FCGR2B: variants seen among roughly 807,000 people sequenced by gnomAD.
FCGR2B encodes low affinity immunoglobulin gamma Fc region receptor II-b.
FCGR2B carries 18 observed loss-of-function variants against 24.8 expected under a neutral mutation model. The observed-to-expected ratio is 0.73, with a 90% CI of 0.50 to 1.08. FCGR2B has a LOEUF of 1.08. Among genes scored for constraint, FCGR2B ranks in the 50% least tolerant of loss-of-function variants. The probability of loss-of-function intolerance (pLI) is 0.00; values close to 1 mark genes in which losing one functional copy is unlikely to be tolerated. For missense variants in FCGR2B, 215 were observed against 297.6 expected (o/e 0.72, Z 2.04); for synonymous variants, 79 against 109.8 (o/e 0.72, Z 1.75).
At chr1:161,661,194 GAAAGA>G (rs1681007553), upstream of FCGR2B, among the ~76,000 whole-genome samples, 1 of 9,026 alleles carries the variant, frequency 1.1e-4, no homozygotes, top group Admixed American at 8.7e-4. Flanking sequence ...AGAAAGGAAA[GAAAGA>G]AAGAAAGAAA....
At chr1:161,673,290 C>G in intron 4 of FCGR2B, 61 bp downstream of exon 4, 1 of 1,598,522 alleles carries the variant, frequency 6.3e-7, no homozygotes, top group Non-Finnish European at 8.5e-7. Flanking sequence ...GGGCTGAGGT[C>G]ACATGGGCCT....
At position 161,677,507 on chromosome 1, in the gene FCGR2B, T is replaced by G; in HGVS notation, c.887T>G (p.Met296Arg). ...AACACAATCACCTATTCACTTCTCA[T>G]GCACCCGGATGCTCTGGAAGAGCCT... ...AENTITYSLL[M>R]HPDALEEPDD... The change falls in exon 8 of 8, where the codon ATG (methionine) becomes AGG (arginine). Residue 296 changes from methionine (M) to arginine (R), a missense_variant. Met to Arg is a moderately conservative substitution (Grantham distance 91, BLOSUM62 -1). Coordinates refer to ENST00000358671, the MANE Select transcript of FCGR2B (RefSeq NM_001394477.1). The G allele has an allele frequency of 6.2e-7, 1 of 1,614,126 alleles. No homozygotes were observed. The highest frequency in any genetic ancestry group is 8.5e-7 in the Non-Finnish European group (1 of 1,179,966).
chr1:161,648,464 T>C, the FCGR2B span, among the ~76,000 whole-genome samples: 1 of 149,508 alleles, frequency 6.7e-6, no homozygotes, highest in East Asian at 1.9e-4. Context: ...GTTTCCCTGA[T>C]AAGTAGTGAC....
the FCGR2B span, among the ~76,000 whole-genome samples, chr1:161,654,188 T>A: frequency 1.5e-5 from 2 of 135,500 alleles, no homozygotes; most frequent in African/African-American, 5.0e-5. Context: ...AAGAAGAACG[T>A]GTGGGGCTGT....
At chr1:161,647,431 G>C in the FCGR2B span, among the ~76,000 whole-genome samples, 1 of 150,052 alleles carries the variant, frequency 6.7e-6, no homozygotes, top group Non-Finnish European at 1.5e-5. Flanking sequence ...CTCCTGAGTA[G>C]CTGGGACTAC....
At chr1:161,661,020 A>G (rs1380503463), upstream of FCGR2B, among the ~76,000 whole-genome samples, 4 of 74,788 alleles carry the variant, frequency 5.3e-5, no homozygotes, top group Non-Finnish European at 7.8e-5. Context: ...GTTGTAGTGA[A>G]CCGAGGTCAC....
At chr1:161,675,653 G>A (rs1011310744) in intron 6 of FCGR2B, 2 of 264,450 alleles carry the variant, frequency 7.6e-6, no homozygotes, top group Non-Finnish European at 1.4e-5. Context: ...CAAAGGATGG[G>A]GTTAGGGGCT....
chr1:161,652,196 C>G, the FCGR2B span, among the ~76,000 whole-genome samples: 2 of 132,372 alleles, frequency 1.5e-5, no homozygotes, highest in Non-Finnish European at 3.4e-5. Flanking sequence ...TTTCTTCTCT[C>G]CCATTCTTTC....
At chr1:161,675,613 G>A (rs1368930651) in intron 6 of FCGR2B, 1 of 325,724 alleles carries the variant, frequency 3.1e-6, no homozygotes, top group East Asian at 4.9e-5. Flanking sequence ...GAGATACTTT[G>A]GTCTTCCTGT....
At position 161,677,365 on chromosome 1, in the gene FCGR2B, G is replaced by A. The variant is rs1454663730; in HGVS notation, c.855G>A (p.Gly285=). The A allele has an allele frequency of 6.2e-7, 1 of 1,613,252 alleles. No individual in the cohort carries two copies. The highest frequency in any genetic ancestry group is 8.5e-7 in the Non-Finnish European group (1 of 1,179,762). Residue 285 remains glycine, a splice_region_variant and synonymous_variant, in exon 7 of 8, where the codon GGG becomes GGA. Transcript: ENST00000358671. Reference sequence around the variant, plus strand: ...ATCCTGATGAGGCTGACAAAGTTGGGGTGAGTGATCCCAGCCATCTCCCCC... The same window carrying A: ...ATCCTGATGAGGCTGACAAAGTTGGAGTGAGTGATCCCAGCCATCTCCCCC... ...PTNPDEADKV[G]AENTITYSLL...
chr1:161,672,957 G>T lies in FCGR2B; in HGVS notation c.392-18G>T. The T allele has an allele frequency of 5.0e-6, 8 of 1,613,766 alleles. No individual in the cohort carries two copies. Among genetic ancestry groups the T allele is most frequent in the Non-Finnish European group, 6.8e-6 (8 of 1,179,808 alleles). ...GCCAAGACCTCCCGGGTCCTCTGCG[G>T]TTTTTTGTGTCTTTCAGAGTGGCTG... On this transcript the variant is annotated intron_variant, in intron 3 of 7. Transcript: ENST00000358671.
chr1:161,654,726 C>T, the FCGR2B span, among the ~76,000 whole-genome samples: 20 of 136,196 alleles, frequency 1.5e-4, 2 homozygotes, highest in African/African-American at 4.2e-4. Flanking sequence ...CTTCCTTCCA[C>T]GCTGTCTTAC....
intron 3 of FCGR2B, 56 bp from the exon 4 acceptor site, chr1:161,672,919 G>C: frequency 6.2e-7 from 1 of 1,606,378 alleles, no homozygotes; most frequent in Admixed American, 1.7e-5. Flanking sequence ...GAAGATCTGG[G>C]TCTCAGAGCT....
At chr1:161,673,619 G>A (rs914099716) in intron 4 of FCGR2B, 25 of 615,018 alleles carry the variant, frequency 4.1e-5, no homozygotes, top group East Asian at 9.6e-5. Context: ...GTCATGGACC[G>A]TTCAAGGCTG....
the FCGR2B span, among the ~76,000 whole-genome samples, chr1:161,651,843 G>A: frequency 1.6e-5 from 2 of 126,634 alleles, no homozygotes; most frequent in African/African-American, 5.3e-5. Flanking sequence ...TGAGGCAGGA[G>A]AATTGCTTGA....
At chr1:161,651,984 A>G in the FCGR2B span, among the ~76,000 whole-genome samples, 1 of 126,656 alleles carries the variant, frequency 7.9e-6, no homozygotes, top group Admixed American at 9.0e-5. Context: ...ATAAAGATCT[A>G]TGGGCATTTT....
At chr1:161,651,106 G>A in the FCGR2B span, among the ~76,000 whole-genome samples, 5 of 126,870 alleles carry the variant, frequency 3.9e-5, no homozygotes, top group Non-Finnish European at 8.6e-5. Context: ...TGACTTCAGA[G>A]TATTTTGGCC....
chr1:161,661,222 GAAA>G (rs1557894990), upstream of FCGR2B, among the ~76,000 whole-genome samples: 6 of 73,382 alleles, frequency 8.2e-5, no homozygotes, highest in African/African-American at 2.4e-4. Flanking sequence ...AAGAAAGAAA[GAAA>G]GAAAGAAAGA....
chr1:161,656,583 C>A, the FCGR2B span, among the ~76,000 whole-genome samples: 1 of 57,532 alleles, frequency 1.7e-5, no homozygotes, highest in African/African-American at 5.2e-5. Flanking sequence ...CTCCTAGGGT[C>A]TCTACTGAGA....
Sources: gnomAD v4.1 joint callset for allele counts (sites outside exome capture counted in the v4.1 genomes callset) on GRCh38, gnomAD v4.1.1 for gene constraint, MANE v1.5 for transcripts, NCBI Gene and HGNC (gene_info 2026-07-23, HGNC 2026-07-21) for gene names.